Variants in LYG2 observed in about 807,000 individuals in gnomAD.
The protein encoded by LYG2 is lysozyme g2, also known as lysozyme g-like protein 2.
Under a neutral mutation model 22.4 loss-of-function variants are expected in LYG2, and 25 were observed. That is an observed-to-expected ratio of 1.12 (90% CI 0.81 to 1.56). The LOEUF (loss-of-function observed/expected upper bound fraction) is 1.56. LYG2 is among the 40% of genes most tolerant of loss of function. LYG2 has a pLI of 0.00. For missense variants in LYG2, 266 were observed against 269.5 expected (o/e 0.99, Z 0.09); for synonymous variants, 88 against 97.0 (o/e 0.91, Z 0.55).
chr2:99,260,441 G>A (rs1171057989), upstream of LYG2, among the ~76,000 whole-genome samples: 1 of 152,146 alleles, frequency 6.6e-6, no homozygotes, highest in Non-Finnish European at 1.5e-5. Context: ...ACAACCATTA[G>A]CAGTCATTCC....
chr2:99,247,441 T>G (rs536479101), intron 3 of LYG2, among the ~76,000 whole-genome samples: 1 of 152,046 alleles, frequency 6.6e-6, no homozygotes, highest in Non-Finnish European at 1.5e-5. Context: ...TTGAGAGTTT[T>G]TTTTTTTTTT....
At chr2:99,249,426 C>CAAAAAAAAAAAAAA (rs74617660) in intron 3 of LYG2, among the ~76,000 whole-genome samples, 25 of 92,570 alleles carry the variant, frequency 2.7e-4, no homozygotes, top group African/African-American at 3.7e-4. Context: ...TCTCAAATCT[C>CAAAAAAAAAAAAAA]AAAAAAAAAA....
At chr2:99,246,095 A>G (rs2094015660) in intron 4 of LYG2, among the ~76,000 whole-genome samples, 2 of 152,208 alleles carry the variant, frequency 1.3e-5, no homozygotes, top group South Asian at 4.1e-4. Flanking sequence ...GTGACAAAGC[A>G]AGACTCTGTC....
chr2:99,243,624 C>T (rs2094010468), intron 6 of LYG2, among the ~76,000 whole-genome samples: 1 of 151,618 alleles, frequency 6.6e-6, no homozygotes, highest in African/African-American at 2.4e-5. Flanking sequence ...CAGCCTTAAC[C>T]TCCCAGGCAC....
chr2:99,253,216 T>C (rs1355696053), intron 3 of LYG2, among the ~76,000 whole-genome samples: 1 of 152,138 alleles, frequency 6.6e-6, no homozygotes, highest in Non-Finnish European at 1.5e-5. Context: ...AATATGACCA[T>C]GGACCCTACG....
At chr2:99,243,335 A>G (rs2105269336) in intron 6 of LYG2, 2 of 1,117,766 alleles carry the variant, frequency 1.8e-6, no homozygotes, top group East Asian at 2.7e-5. Context: ...GAGATGCTGA[A>G]CTTGAGGGGG....
rs2707639 is a variant in LYG2 at position 99,254,241 on chromosome 2, A to G, written c.20T>C (p.Phe7Ser). The change falls in exon 3 of 7, where the codon TTT becomes TCT. Residue 7 changes from phenylalanine (F) to serine (S), a missense_variant. Physicochemically the swap from Phe to Ser is radical, Grantham distance 155 (BLOSUM62 -2). Coordinates refer to ENST00000333017, the MANE Select transcript of LYG2 (RefSeq NM_175735.4). ...ACCAATGAGGGCAATTAGTCCCCAA[A>G]ACACCACGGAGGATAACATGGCGGG... Reference protein sequence around the residue: MLSSVVFWGLIALIGTS... With the variant: MLSSVVSWGLIALIGTS... 6.2e-7 allele frequency: 1 copy of G among 1,613,954 alleles called. No individual in the cohort carries two copies. The highest frequency in any genetic ancestry group is 8.5e-7 in the Non-Finnish European group (1 of 1,179,980).
chr2:99,250,383 T>C (rs2094024018), intron 3 of LYG2, among the ~76,000 whole-genome samples: 1 of 150,698 alleles, frequency 6.6e-6, no homozygotes, highest in African/African-American at 2.4e-5. Context: ...CTTTTTTTTT[T>C]TTTTTTTTTG....
At chr2:99,249,749 G>A (rs1456084988) in intron 3 of LYG2, among the ~76,000 whole-genome samples, 3 of 96,904 alleles carry the variant, frequency 3.1e-5, no homozygotes, top group South Asian at 3.6e-4. Flanking sequence ...CAAAAAGAGC[G>A]AAACTCTGTC....
chr2:99,255,657 G>A lies in LYG2; in HGVS notation c.-198C>T, dbSNP rs990059189. Among the ~76,000 whole-genome samples, 4 of 152,012 alleles carry A rather than the reference G, an allele frequency of 2.6e-5. No homozygotes were observed. Among genetic ancestry groups the A allele is most frequent in the African/African-American group, 9.7e-5 (4 of 41,374 alleles). On this transcript the variant is annotated 5_prime_UTR_variant, in exon 1 of 7. The change creates a new upstream start codon in the 5' untranslated region. Coordinates refer to ENST00000333017, the MANE Select transcript of LYG2 (RefSeq NM_175735.4). ...CCCATTCCAATGTCATATGATCCCCGTACCAGTATGTCACATGATCTCAAA... is the reference window on the plus strand; with the variant it reads ...CCCATTCCAATGTCATATGATCCCCATACCAGTATGTCACATGATCTCAAA...
chr2:99,261,050 G>A, the LYG2 span, among the ~76,000 whole-genome samples: 2 of 152,098 alleles, frequency 1.3e-5, no homozygotes, highest in Non-Finnish European at 2.9e-5. Context: ...AGTTGAGATT[G>A]GAGTCCATAA....
chr2:99,255,170 T>C (rs1041034502), intron 1 of LYG2, 33 bp from the exon 2 acceptor site: 9 of 152,212 alleles, frequency 5.9e-5, no homozygotes, highest in African/African-American at 2.2e-4. Context: ...AGTCAGTAGA[T>C]CACTGCGCAC....
At chr2:99,252,387 C>T (rs2094028217) in intron 3 of LYG2, among the ~76,000 whole-genome samples, 1 of 151,948 alleles carries the variant, frequency 6.6e-6, no homozygotes, top group South Asian at 2.1e-4. Context: ...TTTTATCTCC[C>T]TCCCTTCCTC....
chr2:99,246,833 A>C lies in LYG2; in HGVS notation c.44-13T>G. ...CCCCTGGAAGTGCCTAGGAGGCAGA[A>C]GTGTAACTCACATGAATCCTCTGAG... On this transcript the variant is annotated splice_polypyrimidine_tract_variant and intron_variant, in intron 3 of 6. Coordinates refer to ENST00000333017, the MANE Select transcript of LYG2 (RefSeq NM_175735.4). The C allele has an allele frequency of 1.2e-6, 2 of 1,605,318 alleles. No individual in the cohort carries two copies. The highest frequency in any genetic ancestry group is 8.5e-7 in the Non-Finnish European group (1 of 1,177,574).
rs750677101 is a variant in LYG2, at chr2:99,248,813, TAAGA to T, written c.44-1997_44-1994del. On this transcript the variant is annotated intron_variant, in intron 3 of 6. Coordinates refer to ENST00000333017, the MANE Select transcript of LYG2 (RefSeq NM_175735.4). ...ACCAATTTGCCTTTGTTTAGAAAGA[TAAGA>T]AAGAAGGGCACCATAACAATTTAAA... Among the ~76,000 whole-genome samples, 5 of 151,866 alleles carry T rather than the reference TAAGA, an allele frequency of 3.3e-5. No homozygotes were observed. In the East Asian group the frequency reaches 5.8e-4, roughly 18 times the overall value.
intron 4 of LYG2, 132 bp from the exon 5 acceptor site, chr2:99,245,590 A>G (rs1021582001): frequency 7.5e-6 from 3 of 400,250 alleles, no homozygotes; most frequent in Non-Finnish European, 1.3e-5. Flanking sequence ...CCTGGGCATC[A>G]TAGTGAGAGC....
chr2:99,260,730 C>T, the LYG2 span, among the ~76,000 whole-genome samples: 3 of 152,070 alleles, frequency 2.0e-5, no homozygotes, highest in South Asian at 2.1e-4. Context: ...ATGTTGAAGA[C>T]GCTAGTTCAA....
intron 5 of LYG2, among the ~76,000 whole-genome samples, chr2:99,244,900 C>A (rs953172869): frequency 6.6e-6 from 1 of 152,004 alleles, no homozygotes; most frequent in African/African-American, 2.4e-5. Context: ...CACCTGAGGT[C>A]AGGAGTTCAA....
chr2:99,243,898 G>A, intron 6 of LYG2, 101 bp downstream of exon 6: 2 of 1,423,100 alleles, frequency 1.4e-6, no homozygotes, highest in African/African-American at 1.4e-5. Context: ...CAGGGCCACT[G>A]CTGACCCCGT....
Sources: allele counts gnomAD v4.1 joint callset (sites outside exome capture counted in the v4.1 genomes callset), GRCh38; gene constraint gnomAD v4.1.1; transcripts MANE v1.5; gene names NCBI Gene and HGNC (gene_info 2026-07-23, HGNC 2026-07-21).